BAIAP2L2: variants seen among roughly 807,000 people sequenced by gnomAD.
BAIAP2L2 encodes BAR/IMD domain containing adaptor protein 2 like 2, also known as BAR/IMD domain-containing adapter protein 2-like 2.
In BAIAP2L2, 65 loss-of-function variants were observed where a neutral mutation model predicts 60.4. The ratio of observed to expected loss-of-function variants is 1.08; its 90% CI spans 0.88 to 1.32. The LOEUF (loss-of-function observed/expected upper bound fraction) is 1.32. BAIAP2L2 is among the 40% of genes most tolerant of loss of function. The probability of loss-of-function intolerance (pLI) is 0.00; values close to 1 mark genes in which losing one functional copy is unlikely to be tolerated. For missense variants in BAIAP2L2, 836 were observed against 741.2 expected (o/e 1.13, Z -1.48); for synonymous variants, 344 against 301.7 (o/e 1.14, Z -1.45).
intron 4 of BAIAP2L2, 94 bp downstream of exon 4, chr22:38,107,758 C>T: frequency 8.1e-7 from 1 of 1,235,338 alleles, no homozygotes. Context: ...GGTCATCCTC[C>T]CTGGGAAGGG....
At chr22:38,086,217 C>T in intron 12 of BAIAP2L2, 25 bp downstream of exon 12, 1 of 1,605,162 alleles carries the variant, frequency 6.2e-7, no homozygotes, top group Non-Finnish European at 8.5e-7. Context: ...CTGGAGGCCC[C>T]AAGAGAGGGC....
At position 38,110,495 on chromosome 22, in the gene BAIAP2L2, A is replaced by C; in HGVS notation, c.31T>G (p.Ser11Ala). The C allele has an allele frequency of 1.9e-6, 3 of 1,611,270 alleles. No homozygotes were observed. The highest frequency in any genetic ancestry group is 2.5e-6 in the Non-Finnish European group (3 of 1,178,876). The part of the protein sequence containing the change: MAPEMDQFYR[S>A]TMAIYKSIME... ...CTCACCTTGTAGATGGCCATGGTGG[A>C]CCTGTAGAACTGGTCCATCTCGGGG... is the stretch of plus-strand genomic sequence containing the variant. Residue 11 changes from serine (S) to alanine (A), a missense_variant, in exon 1 of 14, where the codon TCC becomes GCC. Ser to Ala is a moderately conservative substitution (Grantham distance 99). Transcript: ENST00000381669.
intron 11 of BAIAP2L2, 106 bp downstream of exon 11, chr22:38,087,018 A>G: frequency 7.5e-7 from 1 of 1,325,582 alleles, no homozygotes; most frequent in Non-Finnish European, 9.7e-7. Flanking sequence ...ACAAAACAAA[A>G]CAAAAAAACA....
intron 4 of BAIAP2L2, among the ~76,000 whole-genome samples, chr22:38,099,336 C>A (rs1049423037): frequency 6.6e-6 from 1 of 152,044 alleles, no homozygotes; most frequent in African/African-American, 2.4e-5. Flanking sequence ...GAGTTCGAGA[C>A]CAGCCTGGCC....
intron 7 of BAIAP2L2, among the ~76,000 whole-genome samples, chr22:38,094,361 T>C (rs1474411402): frequency 1.3e-5 from 2 of 152,152 alleles, no homozygotes; most frequent in Non-Finnish European, 2.9e-5. Context: ...AACTTTTGTA[T>C]TTTTAGTAGA....
Position 38,098,033 on chromosome 22 carries a change from TGGCCCACCCCCGCTTCCC to T in BAIAP2L2, c.465+12_465+29del. 1 of 627,040 alleles carries T rather than the reference TGGCCCACCCCCGCTTCCC, an allele frequency of 1.6e-6. No individual in the cohort carries two copies. Among genetic ancestry groups the T allele is most frequent in the Non-Finnish European group, 2.9e-6 (1 of 349,714 alleles). The allele number at this position is 627,040 out of a possible 1,614,324, so 38.8% of individuals were successfully genotyped here. On this transcript the variant is annotated intron_variant, in intron 6 of 13. Coordinates refer to ENST00000381669, the MANE Select transcript of BAIAP2L2 (RefSeq NM_025045.6). The stretch of plus-strand genomic sequence containing the variant: ...CCGAGGTCTGCCCACCCGCCCTTCC[TGGCCCACCCCCGCTTCCC>T]GGCCCTCGCACCTTCATCTCCCGCA...
At chr22:38,102,153 AG>A (rs2086581453) in intron 4 of BAIAP2L2, among the ~76,000 whole-genome samples, 1 of 152,102 alleles carries the variant, frequency 6.6e-6, no homozygotes, top group South Asian at 2.1e-4. Context: ...GTGAGTCCAA[AG>A]GGTGAAGGTA....
chr22:38,092,757 G>T lies in BAIAP2L2; in HGVS notation c.613-3083C>A, dbSNP rs182035369. On this transcript the variant is annotated intron_variant, in intron 7 of 13. Transcript: ENST00000381669. ...TTTCATCTTGAAATCTGACCCCCCA[G>T]TGTTGGAGGTGGGATCTAGTGGGAG... Among the ~76,000 whole-genome samples the T allele has an allele frequency of 8.7e-5, 11 of 127,064 alleles. No homozygotes were observed. In the East Asian group the frequency reaches 2.4e-3, roughly 28 times the overall value. The allele number at this position is 127,064 out of a possible 152,430, so 83.4% of individuals were successfully genotyped here. A position where few individuals can be genotyped will look rare whatever the true frequency, so the allele number is the denominator to read the frequency against.
chr22:38,103,139 CCAGGAGTTGGAGACTG>C (rs1306898808), intron 4 of BAIAP2L2, among the ~76,000 whole-genome samples: 1 of 151,962 alleles, frequency 6.6e-6, no homozygotes, highest in African/African-American at 2.4e-5. Flanking sequence ...TCATTTGAGC[CCAGGAGTTGGAGACTG>C]CAATGAGCTA....
chr22:38,085,800 C>T (rs2086047045), intron 12 of BAIAP2L2, 68 bp from the exon 13 acceptor site: 5 of 1,416,214 alleles, frequency 3.5e-6, no homozygotes, highest in Admixed American at 2.1e-5. Context: ...CTCCTCCCCT[C>T]CCTCTCCCCA....
chr22:38,108,324 C>G lies in BAIAP2L2; in HGVS notation c.145G>C (p.Glu49Gln), dbSNP rs200319747. Residue 49 changes from glutamate (E) to glutamine (Q), a missense_variant, in exon 3 of 14, where the codon GAG (glutamate) becomes CAG (glutamine). Coordinates refer to ENST00000381669, the MANE Select transcript of BAIAP2L2 (RefSeq NM_025045.6). ...TTCTGGATGGCACTGAAGTAGACCT[C>G]GGCCGCCTCGGACAGAGCTGTGGAC... ...RAFHALSEAA[E>Q]VYFSAIQKIG... is the part of the protein sequence containing the mutation. 3.1e-6 allele frequency: 5 copies of G among 1,612,482 alleles called. No individual in the cohort carries two copies. The South Asian group carries it at 5.5e-5, about 18-fold the overall frequency.
chr22:38,109,566 G>A (rs535592660), intron 1 of BAIAP2L2, among the ~76,000 whole-genome samples: 15 of 152,292 alleles, frequency 9.8e-5, no homozygotes, highest in Non-Finnish European at 1.3e-4. Flanking sequence ...CACTGGGCAC[G>A]GCTCAGCCCT....
chr22:38,090,879 C>T (rs976827946), intron 7 of BAIAP2L2: 8 of 152,196 alleles, frequency 5.3e-5, no homozygotes, highest in African/African-American at 9.7e-5. Context: ...GCAGCAATAA[C>T]GGGAAGGCTT....
intron 4 of BAIAP2L2, among the ~76,000 whole-genome samples, chr22:38,107,073 A>T (rs1456110212): frequency 6.6e-6 from 1 of 152,142 alleles, no homozygotes; most frequent in African/African-American, 2.4e-5. Context: ...AGTTATTATG[A>T]TTCTCTCCAT....
Position 38,085,228 on chromosome 22 carries a change from C to A in BAIAP2L2, c.*72G>T. The A allele has an allele frequency of 6.7e-7, 1 of 1,501,528 alleles. No homozygotes were observed. The highest frequency in any genetic ancestry group is 9.2e-7 in the Non-Finnish European group (1 of 1,086,682). 93.0% of individuals were successfully genotyped at this position (1,501,528 alleles called of 1,614,324 possible). A position where few individuals can be genotyped will look rare whatever the true frequency, so the allele number is the denominator to read the frequency against. ...CTTCTTGGATCTGCTGCTGTTGCTGCTGTCGCTGCCATTGCCAGCTCTGAA... is the reference window on the plus strand; with the variant it reads ...CTTCTTGGATCTGCTGCTGTTGCTGATGTCGCTGCCATTGCCAGCTCTGAA... On this transcript the variant is annotated 3_prime_UTR_variant, in exon 14 of 14. Coordinates refer to ENST00000381669, the MANE Select transcript of BAIAP2L2 (RefSeq NM_025045.6).
At chr22:38,094,894 G>T (rs548248853) in intron 7 of BAIAP2L2, among the ~76,000 whole-genome samples, 202 of 152,262 alleles carry the variant, frequency 1.3e-3, no homozygotes, top group Non-Finnish European at 2.0e-3. Flanking sequence ...GCTCATGCCT[G>T]TAATGCCAGC....
At chr22:38,101,726 C>T (rs954118186) in intron 4 of BAIAP2L2, among the ~76,000 whole-genome samples, 4 of 151,346 alleles carry the variant, frequency 2.6e-5, no homozygotes, top group African/African-American at 9.7e-5. Context: ...TGGTGGCACG[C>T]GCCTATAATC....
At chr22:38,104,194 T>C (rs1240539511) in intron 4 of BAIAP2L2, among the ~76,000 whole-genome samples, 2 of 152,186 alleles carry the variant, frequency 1.3e-5, no homozygotes, top group Non-Finnish European at 2.9e-5. Flanking sequence ...GGAAGCATCC[T>C]AGCTAAGAAT....
intron 9 of BAIAP2L2, 29 bp from the exon 10 acceptor site, chr22:38,088,993 G>A: frequency 6.8e-7 from 1 of 1,476,530 alleles, no homozygotes; most frequent in Non-Finnish European, 9.0e-7. Flanking sequence ...GGCGGCACGT[G>A]GGCAGGAAGT....
Sources: gnomAD v4.1 joint callset for allele counts (sites outside exome capture counted in the v4.1 genomes callset) on GRCh38, gnomAD v4.1.1 for gene constraint, MANE v1.5 for transcripts, NCBI Gene and HGNC (gene_info 2026-07-23, HGNC 2026-07-21) for gene names.